CDH1: variants seen among roughly 807,000 people sequenced by gnomAD.
CDH1 encodes cadherin 1.
Under a neutral mutation model 84.5 loss-of-function variants are expected in CDH1, and 35 were observed. That is an observed-to-expected ratio of 0.41 (90% confidence interval 0.32 to 0.55). CDH1 has a LOEUF of 0.55. CDH1 is among the 20% of genes least tolerant of loss of function. The probability of loss-of-function intolerance (pLI) is 0.19; values close to 1 mark genes in which losing one functional copy is unlikely to be tolerated. For missense variants in CDH1, 994 were observed against 1,126.6 expected (o/e 0.88, Z 1.68); for synonymous variants, 417 against 439.0 (o/e 0.95, Z 0.63).
In CDH1 at chr16:68,813,356, C is replaced by T. The variant is rs1332444039; in HGVS notation, c.1181C>T (p.Thr394Ile). ...VPENEANVVITTLKVTDADAP... is the reference protein window; with the variant it reads ...VPENEANVVIITLKVTDADAP... ...GAGAACGAGGCTAACGTCGTAATCA[C>T]CACACTGAAAGTGACTGATGCTGAT... Residue 394 changes from threonine to isoleucine, a missense_variant, in exon 9 of 16, where the codon ACC (threonine) becomes ATC (isoleucine). By Grantham distance (89) the Thr-to-Ile change is moderately conservative. Around this residue, in one of 3 missense-constraint regions of CDH1, gnomAD observed 769 missense variants for 881.8 expected, o/e 0.87. Transcript: ENST00000261769. The T allele has an allele frequency of 3.1e-6, 5 of 1,614,072 alleles. No individual in the cohort carries two copies. The Admixed American group carries it at 5.0e-5, about 16-fold the overall frequency.
At chr16:68,819,564 A>G in intron 11 of CDH1, 139 bp downstream of exon 11, 3 of 976,414 alleles carry the variant, frequency 3.1e-6, no homozygotes, top group Non-Finnish European at 4.7e-6. Flanking sequence ...GTATAAATGT[A>G]TGGAGTACAA....
chr16:68,808,482 T>C lies in CDH1; in HGVS notation c.446T>C (p.Leu149Pro), dbSNP rs780955025. ...LLTFPNSSPG[L>P]RRQKRDWVIP... ...ACATTTCCCAACTCCTCTCCTGGCC[T>C]CAGAAGACAGAAGAGAGACTGGGTT... Residue 149 changes from leucine to proline, a missense_variant, in exon 4 of 16, where the codon CTC becomes CCC. Physicochemically the swap from Leu to Pro is moderately conservative, Grantham distance 98. Transcript: ENST00000261769. 6.8e-6 allele frequency: 11 copies of C among 1,614,084 alleles called. No individual in the cohort carries two copies. The highest frequency in any genetic ancestry group is 8.5e-6 in the Non-Finnish European group (10 of 1,179,976).
intron 3 of CDH1, among the ~76,000 whole-genome samples, chr16:68,803,417 A>C (rs1960568887): frequency 6.6e-6 from 1 of 152,116 alleles, no homozygotes; most frequent in Admixed American, 6.6e-5. Flanking sequence ...ATTTTTTTAG[A>C]GACAGATTCT....
intron 2 of CDH1, among the ~76,000 whole-genome samples, chr16:68,756,216 C>T (rs199824320): frequency 9.9e-5 from 15 of 151,020 alleles, no homozygotes; most frequent in Middle Eastern, 3.4e-3. Context: ...TACGAGGCTT[C>T]CTCCCCAACA....
At chr16:68,762,678 G>T (rs1959254033) in intron 2 of CDH1, among the ~76,000 whole-genome samples, 1 of 152,104 alleles carries the variant, frequency 6.6e-6, no homozygotes, top group Non-Finnish European at 1.5e-5. Flanking sequence ...GGAGGCCAAG[G>T]CCAGAGGATC....
chr16:68,815,113 G>A (rs1325253579), intron 9 of CDH1, among the ~76,000 whole-genome samples: 1 of 151,900 alleles, frequency 6.6e-6, no homozygotes, highest in African/African-American at 2.4e-5. Flanking sequence ...TGTAATCCCA[G>A]CTACTAGGGA....
intron 2 of CDH1, among the ~76,000 whole-genome samples, chr16:68,739,566 A>C (rs1962503837): frequency 6.6e-6 from 1 of 151,126 alleles, no homozygotes; most frequent in Non-Finnish European, 1.5e-5. Flanking sequence ...TGCCTGGACC[A>C]AAACATCTTG....
At chr16:68,808,969 T>C (rs1960747915) in intron 5 of CDH1, 121 bp downstream of exon 5, 1 of 874,972 alleles carries the variant, frequency 1.1e-6, no homozygotes, top group East Asian at 2.5e-5. Context: ...ACTTGACACC[T>C]CTTGACCTGT....
At chr16:68,770,280 G>A (rs1488229663) in intron 2 of CDH1, among the ~76,000 whole-genome samples, 1 of 152,054 alleles carries the variant, frequency 6.6e-6, no homozygotes, top group Non-Finnish European at 1.5e-5. Context: ...GACATCGCCT[G>A]GCTAGACCCC....
chr16:68,761,711 C>T (rs1959227922), intron 2 of CDH1, among the ~76,000 whole-genome samples: 1 of 151,984 alleles, frequency 6.6e-6, no homozygotes, highest in Non-Finnish European at 1.5e-5. Context: ...TGAGCAAAGA[C>T]CCAAGAGAGG....
chr16:68,750,683 C>T lies in CDH1; in HGVS notation c.163+12272C>T, dbSNP rs531587633. Reference sequence around the variant, plus strand: ...GATTCTGTGGTTTGGCATTCAGGTACGCCTGTACACCTTCTTTCTCCTTGG... The same window carrying T: ...GATTCTGTGGTTTGGCATTCAGGTATGCCTGTACACCTTCTTTCTCCTTGG... On this transcript the variant is annotated intron_variant, in intron 2 of 15. Coordinates refer to ENST00000261769, the MANE Select transcript of CDH1 (RefSeq NM_004360.5). 3.3e-5 allele frequency among the ~76,000 whole-genome samples: 5 copies of T among 151,130 alleles called. No individual in the cohort carries two copies. In the South Asian group the frequency reaches 8.4e-4, roughly 25 times the overall value.
intron 10 of CDH1, 78 bp from the exon 11 acceptor site, chr16:68,819,202 G>T (rs2152136613): frequency 6.5e-7 from 1 of 1,532,192 alleles, no homozygotes; most frequent in Non-Finnish European, 9.0e-7. Flanking sequence ...CCATATAACT[G>T]AAGAAGCGCT....
intron 2 of CDH1, among the ~76,000 whole-genome samples, chr16:68,761,037 C>T (rs1023904343): frequency 5.9e-5 from 9 of 152,162 alleles, no homozygotes; most frequent in Non-Finnish European, 1.2e-4. Context: ...ACTGAACTTC[C>T]GGTCCTCGAG....
At chr16:68,778,444 C>T (rs1363451279) in intron 2 of CDH1, among the ~76,000 whole-genome samples, 2 of 152,162 alleles carry the variant, frequency 1.3e-5, no homozygotes, top group Non-Finnish European at 2.9e-5. Context: ...AGTGAAACAG[C>T]TCTTGTTCAG....
chr16:68,812,142 C>T lies in CDH1; in HGVS notation c.1016C>T (p.Pro339Leu), dbSNP rs1597894647. ...GTGTCGATCTCTCTGCAGAGTTTCC[C>T]TACGTATACCCTGGTGGTTCAAGCT... is the stretch of plus-strand genomic sequence containing the variant. ...VTTGLDRESF[P>L]TYTLVVQAAD... is the part of the protein sequence containing the mutation. The change falls in exon 8 of 16, where the codon CCT becomes CTT. Residue 339 changes from proline to leucine, a missense_variant. Transcript: ENST00000261769. 6.2e-7 allele frequency: 1 copy of T among 1,614,122 alleles called. No homozygotes were observed. The highest frequency in any genetic ancestry group is 8.5e-7 in the Non-Finnish European group (1 of 1,180,014).
intron 2 of CDH1, among the ~76,000 whole-genome samples, chr16:68,745,302 C>T (rs576232899): frequency 8.6e-5 from 13 of 150,856 alleles, no homozygotes; most frequent in South Asian, 2.1e-4. Context: ...GGCAACGTGG[C>T]GAGACCCCCA....
chr16:68,790,766 T>C (rs1483696906), intron 2 of CDH1, among the ~76,000 whole-genome samples: 1 of 152,050 alleles, frequency 6.6e-6, no homozygotes, highest in African/African-American at 2.4e-5. Context: ...TCTGGAAAAT[T>C]GAAACCAAGC....
At chr16:68,802,188 G>A (rs139859212) in intron 3 of CDH1, among the ~76,000 whole-genome samples, 95 of 152,310 alleles carry the variant, frequency 6.2e-4, no homozygotes, top group African/African-American at 2.0e-3. Flanking sequence ...TCTTGCTGGA[G>A]TTTTTGGGGT....
intron 2 of CDH1, among the ~76,000 whole-genome samples, chr16:68,756,132 A>T (rs111534814): frequency 1.3e-3 from 163 of 124,554 alleles, no homozygotes; most frequent in African/African-American, 4.0e-3. Context: ...TTTAGGGCAT[A>T]TTTTTTTTTT....
Sources: gnomAD v4.1 joint callset for allele counts (sites outside exome capture counted in the v4.1 genomes callset) on GRCh38, gnomAD v4.1.1 for gene constraint, gnomAD v4.1.1 regional missense constraint, MANE v1.5 for transcripts, NCBI Gene and HGNC (gene_info 2026-07-23, HGNC 2026-07-21) for gene names.